The following SFMBT1 variants were observed in gnomAD, a reference collection of about 807,000 sequenced individuals.
SFMBT1 encodes scm-like with four MBT domains protein 1.
In SFMBT1, 32 loss-of-function variants were observed where a neutral mutation model predicts 108.7. That is an observed-to-expected ratio of 0.29 (90% CI 0.22 to 0.40). The LOEUF (loss-of-function observed/expected upper bound fraction) is 0.40, where lower values mean the gene tolerates loss of function less well. SFMBT1 is among the 10% of genes least tolerant of loss of function. The pLI, the probability that SFMBT1 is intolerant of heterozygous loss-of-function variation, is 1.00. For synonymous variants in SFMBT1, 348 were observed against 369.5 expected (o/e 0.94, Z 0.67); for missense variants, 816 against 1,059.6 (o/e 0.77, Z 3.19).
At chr3:52,990,236 T>C (rs1026328501) in intron 1 of SFMBT1, among the ~76,000 whole-genome samples, 2 of 152,216 alleles carry the variant, frequency 1.3e-5, no homozygotes, top group Admixed American at 6.5e-5. Flanking sequence ...TTTTCTCTTA[T>C]AGGATGTGAG....
At chr3:52,966,022 A>AAAAC (rs1704128011) in intron 2 of SFMBT1, among the ~76,000 whole-genome samples, 2 of 144,326 alleles carry the variant, frequency 1.4e-5, no homozygotes, top group African/African-American at 5.2e-5. Context: ...AAAAAAAAAA[A>AAAAC]AAAAATAGGA....
intron 2 of SFMBT1, among the ~76,000 whole-genome samples, chr3:52,964,086 A>C (rs1369936632): frequency 6.6e-6 from 1 of 152,050 alleles, no homozygotes; most frequent in African/African-American, 2.4e-5. Context: ...TCCCAGGCTC[A>C]AGCCACCTCA....
At chr3:52,958,697 C>T (rs1393194100) in intron 2 of SFMBT1, among the ~76,000 whole-genome samples, 1 of 152,142 alleles carries the variant, frequency 6.6e-6, no homozygotes, top group East Asian at 1.9e-4. Flanking sequence ...ATTAGTTCAG[C>T]CATTGTGGAA....
At chr3:52,994,795 C>T (rs758261114) in intron 1 of SFMBT1, among the ~76,000 whole-genome samples, 1 of 150,014 alleles carries the variant, frequency 6.7e-6, no homozygotes, top group Non-Finnish European at 1.5e-5. Flanking sequence ...CCACTACGCC[C>T]CGCCTAGAGG....
chr3:53,031,000 T>C (rs1166658128), intron 1 of SFMBT1, among the ~76,000 whole-genome samples: 1 of 152,196 alleles, frequency 6.6e-6, no homozygotes, highest in Non-Finnish European at 1.5e-5. Flanking sequence ...ATCTTCTCCA[T>C]TTCCAAGCAT....
intron 3 of SFMBT1, among the ~76,000 whole-genome samples, chr3:52,953,798 G>C (rs1703676572): frequency 6.6e-6 from 1 of 152,164 alleles, no homozygotes; most frequent in Admixed American, 6.5e-5. Flanking sequence ...CATGCATTGA[G>C]TAGCAGAAAA....
At chr3:52,946,149 T>C (rs1381410744) in intron 3 of SFMBT1, among the ~76,000 whole-genome samples, 1 of 152,216 alleles carries the variant, frequency 6.6e-6, no homozygotes, top group Non-Finnish European at 1.5e-5. Context: ...CCACAAATAG[T>C]TGACATGCAA....
At chr3:52,943,283 A>T (rs775441891) in intron 4 of SFMBT1, 70 bp downstream of exon 4, 5 of 1,598,346 alleles carry the variant, frequency 3.1e-6, no homozygotes, top group Non-Finnish European at 4.3e-6. Context: ...TTAAAACCTC[A>T]AGACTGTGGA....
intron 1 of SFMBT1, among the ~76,000 whole-genome samples, chr3:53,039,652 G>A (rs1046608300): frequency 5.3e-5 from 8 of 152,216 alleles, no homozygotes; most frequent in African/African-American, 1.4e-4. Flanking sequence ...ACAACCATAC[G>A]TTTACAGAGT....
At chr3:53,035,464 C>G (rs1001695825) in intron 1 of SFMBT1, among the ~76,000 whole-genome samples, 30 of 152,152 alleles carry the variant, frequency 2.0e-4, no homozygotes, top group African/African-American at 7.0e-4. Flanking sequence ...TAATATGTAA[C>G]ATTTTAGTTT....
intron 4 of SFMBT1, among the ~76,000 whole-genome samples, chr3:52,940,932 T>C (rs1054411365): frequency 6.6e-6 from 1 of 152,264 alleles, no homozygotes; most frequent in Admixed American, 6.5e-5. Context: ...CTACCAAAAG[T>C]GAACAACCTG....
intron 2 of SFMBT1, among the ~76,000 whole-genome samples, chr3:52,954,765 CACTT>C (rs1278844707): frequency 1.3e-5 from 2 of 152,004 alleles, no homozygotes; most frequent in African/African-American, 4.8e-5. Context: ...ACATTGAAGA[CACTT>C]AATAAGCATT....
At chr3:52,998,803 G>A (rs920494507) in intron 1 of SFMBT1, among the ~76,000 whole-genome samples, 3 of 150,572 alleles carry the variant, frequency 2.0e-5, no homozygotes, top group South Asian at 2.1e-4. Flanking sequence ...GCTGCCGATC[G>A]ACCTGACTGG....
intron 10 of SFMBT1, among the ~76,000 whole-genome samples, chr3:52,924,302 G>A (rs1051753092): frequency 1.3e-5 from 2 of 152,152 alleles, no homozygotes; most frequent in Non-Finnish European, 2.9e-5. Context: ...TCATACAAAA[G>A]GGGAGTGGGC....
chr3:52,963,258 G>C (rs1290487490), intron 2 of SFMBT1, among the ~76,000 whole-genome samples: 2 of 151,970 alleles, frequency 1.3e-5, no homozygotes, highest in Non-Finnish European at 2.9e-5. Context: ...CCCTTCCAAA[G>C]TGCTGGGATT....
At position 52,930,957 on chromosome 3, in the gene SFMBT1, G is replaced by C; in HGVS notation, c.779C>G (p.Pro260Arg). ...TGTTTTTACCTTAAATAAGTAAGATGGTAATGGCTCTTCCTCTTCCTCTTT... is the reference window on the plus strand; with the variant it reads ...TGTTTTTACCTTAAATAAGTAAGATCGTAATGGCTCTTCCTCTTCCTCTTT... ...KVKEEEEEPL[P>R]SYLFKDKQVI... is the part of the protein sequence containing the mutation. Residue 260 changes from proline to arginine, a missense_variant, in exon 7 of 21, where the codon CCA becomes CGA. Coordinates refer to ENST00000394752, the MANE Select transcript of SFMBT1 (RefSeq NM_016329.4). The C allele has an allele frequency of 6.2e-7, 1 of 1,613,912 alleles. No individual in the cohort carries two copies. Among genetic ancestry groups the C allele is most frequent in the Non-Finnish European group, 8.5e-7 (1 of 1,179,856 alleles).
intron 13 of SFMBT1, among the ~76,000 whole-genome samples, chr3:52,917,271 C>T (rs1321636796): frequency 6.6e-6 from 1 of 152,154 alleles, no homozygotes; most frequent in Admixed American, 6.5e-5. Context: ...TATGTTGAAG[C>T]CCTAGTGCTC....
At chr3:52,921,271 C>T (rs1702512234) in intron 11 of SFMBT1, among the ~76,000 whole-genome samples, 1 of 152,184 alleles carries the variant, frequency 6.6e-6, no homozygotes, top group African/African-American at 2.4e-5. Context: ...CACGCAGCGC[C>T]TTGCATCCAC....
At chr3:52,948,395 C>T (rs1575394824) in intron 3 of SFMBT1, among the ~76,000 whole-genome samples, 1 of 152,010 alleles carries the variant, frequency 6.6e-6, no homozygotes, top group Non-Finnish European at 1.5e-5. Context: ...GTCTGGCTAC[C>T]CTTGATCCAC....
Sources: gnomAD v4.1 joint callset for allele counts (sites outside exome capture counted in the v4.1 genomes callset) on GRCh38, gnomAD v4.1.1 for gene constraint, MANE v1.5 for transcripts, NCBI Gene and HGNC (gene_info 2026-07-23, HGNC 2026-07-21) for gene names.